Variants in LRMDA observed in about 807,000 individuals in gnomAD.
LRMDA encodes leucine rich melanocyte differentiation associated.
In LRMDA, 18 loss-of-function variants were observed where a neutral mutation model predicts 29.8. That is an observed-to-expected ratio of 0.60 (90% CI 0.42 to 0.90). The LOEUF is 0.90. Among genes scored for constraint, LRMDA ranks in the 40% least tolerant of loss-of-function variants. The pLI is 0.00. For missense variants in LRMDA, 273 were observed against 273.9 expected, an observed-to-expected ratio of 1.00 and a Z score of 0.02; for synonymous variants, 125 against 109.4, an observed-to-expected ratio of 1.14 and a Z score of -0.89.
chr10:76,271,620 G>T (rs16933137), intron 5 of LRMDA, among the ~76,000 whole-genome samples: 7,907 of 152,018 alleles, frequency 0.052, 537 homozygotes, highest in African/African-American at 0.16. Context: ...ATCTCATTTT[G>T]GCCAGAAATA....
intron 6 of LRMDA, among the ~76,000 whole-genome samples, chr10:76,468,804 C>T (rs1409047967): frequency 6.6e-6 from 1 of 152,134 alleles, no homozygotes; most frequent in Non-Finnish European, 1.5e-5. Flanking sequence ...ACGATAGTAG[C>T]ACCTGTAACA....
rs183212266 is a variant in LRMDA, at chr10:76,534,321, G to A, written c.602-22888G>A. On this transcript the variant is annotated intron_variant, in intron 6 of 6. Transcript: ENST00000611255. ...GAGGTCACATGAGTGTGTCACACTC[G>A]TGAAAGATATGGCCACATGTGTGTA... Among the ~76,000 whole-genome samples, 12 of 152,252 alleles carry A rather than the reference G, an allele frequency of 7.9e-5. No homozygotes were observed. The East Asian group carries it at 1.9e-3, about 25-fold the overall frequency.
intron 6 of LRMDA, among the ~76,000 whole-genome samples, chr10:76,327,536 C>A (rs958030847): frequency 6.6e-6 from 1 of 152,218 alleles, no homozygotes; most frequent in Non-Finnish European, 1.5e-5. Flanking sequence ...CCTAGAAAGG[C>A]CATAAGCTGT....
At chr10:75,769,672 A>T (rs949962446) in intron 2 of LRMDA, among the ~76,000 whole-genome samples, 5 of 152,154 alleles carry the variant, frequency 3.3e-5, no homozygotes, top group African/African-American at 4.8e-5. Context: ...ACCTTATTTT[A>T]AAAAAATTTT....
chr10:76,063,123 A>G (rs1332644077), intron 5 of LRMDA, among the ~76,000 whole-genome samples: 8 of 152,268 alleles, frequency 5.3e-5, no homozygotes, highest in African/African-American at 1.9e-4. Flanking sequence ...GCATGTATAC[A>G]AAGTTGGCTA....
chr10:75,528,214 A>G (rs575332246), intron 2 of LRMDA, among the ~76,000 whole-genome samples: 64 of 152,330 alleles, frequency 4.2e-4, no homozygotes, highest in African/African-American at 1.5e-3. Flanking sequence ...AGTTGGTAGC[A>G]CAAGTACCTC....
chr10:76,418,614 TTCTTA>T (rs1332186453), intron 6 of LRMDA, among the ~76,000 whole-genome samples: 1 of 151,970 alleles, frequency 6.6e-6, no homozygotes, highest in Non-Finnish European at 1.5e-5. Context: ...TTTATTTCAT[TTCTTA>T]TCTTATAGAA....
At chr10:75,523,845 C>T (rs573253714) in intron 2 of LRMDA, among the ~76,000 whole-genome samples, 5 of 152,176 alleles carry the variant, frequency 3.3e-5, no homozygotes, top group Non-Finnish European at 7.4e-5. Flanking sequence ...GGCACCATTC[C>T]CCTCAGTGTC....
At chr10:75,555,865 GA>G (rs1840207154) in intron 2 of LRMDA, among the ~76,000 whole-genome samples, 1 of 152,262 alleles carries the variant, frequency 6.6e-6, no homozygotes, top group East Asian at 1.9e-4. Context: ...GGAAAGATTG[GA>G]AATCCCAGCA....
chr10:76,360,531 C>A (rs1247750829), intron 6 of LRMDA, among the ~76,000 whole-genome samples: 3 of 152,150 alleles, frequency 2.0e-5, no homozygotes, highest in African/African-American at 7.2e-5. Flanking sequence ...ACATAAAAGG[C>A]AAAGCACAGA....
At chr10:76,007,330 A>G (rs1358890382) in intron 2 of LRMDA, among the ~76,000 whole-genome samples, 1 of 151,222 alleles carries the variant, frequency 6.6e-6, no homozygotes, top group Non-Finnish European at 1.5e-5. Context: ...GGAGGGAAGC[A>G]GACATCCTTT....
Position 76,194,312 on chromosome 10 carries a change from G to A in LRMDA, c.517-130089G>A, listed in dbSNP as rs147913236. ...TTGCATCCCATGCCCTTGGAAAATGGAAGGGAAAATCTGAGGCTCCTAACA... is the reference window on the plus strand; with the variant it reads ...TTGCATCCCATGCCCTTGGAAAATGAAAGGGAAAATCTGAGGCTCCTAACA... On this transcript the variant is annotated intron_variant, in intron 5 of 6. Transcript: ENST00000611255. Among the ~76,000 whole-genome samples, 41 of 152,302 alleles carry A rather than the reference G, an allele frequency of 2.7e-4. No individual in the cohort carries two copies. In the East Asian group the frequency reaches 6.2e-3, roughly 23 times the overall value.
At chr10:76,116,501 A>G (rs902196665) in intron 5 of LRMDA, among the ~76,000 whole-genome samples, 3 of 152,138 alleles carry the variant, frequency 2.0e-5, no homozygotes, top group Non-Finnish European at 4.4e-5. Flanking sequence ...TAAACCCTTG[A>G]TGAGTCTGTT....
At chr10:76,146,706 G>A (rs1296691050) in intron 5 of LRMDA, among the ~76,000 whole-genome samples, 2 of 152,158 alleles carry the variant, frequency 1.3e-5, no homozygotes, top group Admixed American at 1.3e-4. Context: ...ATATTGTTAT[G>A]TGTGAATTTG....
chr10:76,115,182 T>C (rs960418822), intron 5 of LRMDA, among the ~76,000 whole-genome samples: 1 of 152,228 alleles, frequency 6.6e-6, no homozygotes, highest in African/African-American at 2.4e-5. Flanking sequence ...TTAAAAATGA[T>C]TGTGGTATTT....
chr10:75,771,745 A>T (rs1439447958), intron 2 of LRMDA, among the ~76,000 whole-genome samples: 1 of 151,972 alleles, frequency 6.6e-6, no homozygotes, highest in Non-Finnish European at 1.5e-5. Flanking sequence ...CTTTTTGAGA[A>T]TCAGGTGTGG....
At chr10:76,070,490 C>T (rs1439875752) in intron 5 of LRMDA, among the ~76,000 whole-genome samples, 2 of 152,162 alleles carry the variant, frequency 1.3e-5, no homozygotes, top group Non-Finnish European at 2.9e-5. Context: ...AGAAGGAGAT[C>T]TCTCCGTCTT....
At chr10:76,300,613 A>G (rs1207149162) in intron 5 of LRMDA, among the ~76,000 whole-genome samples, 4 of 152,224 alleles carry the variant, frequency 2.6e-5, no homozygotes, top group African/African-American at 9.6e-5. Context: ...CTCTTCCATC[A>G]TTCAGACGCT....
intron 2 of LRMDA, among the ~76,000 whole-genome samples, chr10:75,571,952 T>G (rs569805432): frequency 1.3e-5 from 2 of 152,004 alleles, no homozygotes; most frequent in African/African-American, 4.8e-5. Context: ...TTCCCACTGT[T>G]ATTATTATTA....
Sources: gnomAD v4.1 joint callset for allele counts (sites outside exome capture counted in the v4.1 genomes callset) on GRCh38, gnomAD v4.1.1 for gene constraint, MANE v1.5 for transcripts, NCBI Gene and HGNC (gene_info 2026-07-23, HGNC 2026-07-21) for gene names.